Variants in KDM4B observed in about 807,000 individuals in gnomAD.
The protein encoded by KDM4B is lysine demethylase 4B.
In KDM4B, 32 loss-of-function variants were observed where a neutral mutation model predicts 125.2. That is an observed-to-expected ratio of 0.26 (90% CI 0.19 to 0.34). The LOEUF is 0.34. KDM4B is among the 10% of genes least tolerant of loss of function. KDM4B has a pLI of 1.00. For synonymous variants in KDM4B, 721 were observed against 677.9 expected, an observed-to-expected ratio of 1.06 and a Z score of -0.99; for missense variants, 1,190 against 1,577.7, an observed-to-expected ratio of 0.75 and a Z score of 4.16.
In KDM4B at chr19:5,070,397, C is replaced by T. The variant is rs1004292414; in HGVS notation, c.627-613C>T. 7.9e-5 allele frequency among the ~76,000 whole-genome samples: 12 copies of T among 152,382 alleles called. No individual in the cohort carries two copies. In the South Asian group the frequency reaches 2.3e-3, roughly 29 times the overall value. On this transcript the variant is annotated intron_variant, in intron 6 of 22. Coordinates refer to ENST00000159111, the MANE Select transcript of KDM4B (RefSeq NM_015015.3). ...ACCCCCACTTCGCTTCGTGTGTTTG[C>T]ACACTTTCATCTTATGTCTTTCTTA... is the stretch of plus-strand genomic sequence containing the variant.
intron 9 of KDM4B, among the ~76,000 whole-genome samples, chr19:5,108,634 GA>G (rs905039555): frequency 6.6e-6 from 1 of 152,238 alleles, no homozygotes; most frequent in African/African-American, 2.4e-5. Flanking sequence ...TAGTTGCGTT[GA>G]ATTAAGTCTT....
intron 9 of KDM4B, among the ~76,000 whole-genome samples, chr19:5,090,536 TCC>T (rs1203661475): frequency 3.3e-5 from 1 of 29,870 alleles, no homozygotes; most frequent in Admixed American, 3.4e-4. Flanking sequence ...CTTTCCCCGC[TCC>T]CCCTCTCTCT....
intron 21 of KDM4B, among the ~76,000 whole-genome samples, chr19:5,149,328 T>C (rs1034028259): frequency 2.6e-5 from 4 of 152,244 alleles, no homozygotes; most frequent in African/African-American, 7.2e-5. Flanking sequence ...GACAGTCTTA[T>C]GTGTGCATTT....
At position 5,133,899 on chromosome 19, in the gene KDM4B, C is replaced by T. The variant is rs376986271; in HGVS notation, c.1923C>T (p.Ser641=). 6.2e-6 allele frequency: 10 copies of T among 1,612,828 alleles called. No homozygotes were observed. Among genetic ancestry groups the T allele is most frequent in the Middle Eastern group, 1.6e-4 (1 of 6,076 alleles). ...TTCTTCTAGAGGCATCCCCTTTCTCCGGGGAGGAAGATGTGAGTGACCCGG... is the reference window on the plus strand; with the variant it reads ...TTCTTCTAGAGGCATCCCCTTTCTCTGGGGAGGAAGATGTGAGTGACCCGG... The part of the protein sequence containing the change: ...ASSDEEASPF[S]GEEDVSDPDA... Residue 641 remains serine (S), a synonymous_variant, in exon 14 of 23, where the codon TCC becomes TCT. Coordinates refer to ENST00000159111, the MANE Select transcript of KDM4B (RefSeq NM_015015.3).
intron 11 of KDM4B, among the ~76,000 whole-genome samples, chr19:5,123,598 C>T (rs564066742): frequency 3.3e-5 from 5 of 152,366 alleles, no homozygotes; most frequent in Admixed American, 2.6e-4. Context: ...CTGCAGCAGG[C>T]GAGGGGCTTC....
chr19:5,051,824 A>G (rs2037235108), intron 6 of KDM4B, among the ~76,000 whole-genome samples: 1 of 152,144 alleles, frequency 6.6e-6, no homozygotes, highest in African/African-American at 2.4e-5. Flanking sequence ...GAAATCCCCC[A>G]TTGCCCCAGG....
intron 1 of KDM4B, among the ~76,000 whole-genome samples, chr19:5,005,562 C>T (rs958966978): frequency 4.6e-5 from 7 of 152,146 alleles, no homozygotes; most frequent in Admixed American, 2.6e-4. Context: ...CACCCTCCTC[C>T]GGGCCTCATG....
intron 7 of KDM4B, among the ~76,000 whole-genome samples, chr19:5,072,296 A>G (rs1050153895): frequency 3.3e-5 from 5 of 152,168 alleles, no homozygotes; most frequent in Non-Finnish European, 7.3e-5. Flanking sequence ...CTGTGCAGGA[A>G]ATGTTGCCCA....
intron 10 of KDM4B, chr19:5,113,847 C>T (rs752528508): frequency 6.7e-5 from 65 of 975,574 alleles, no homozygotes; most frequent in Non-Finnish European, 5.2e-5. Flanking sequence ...CCTTCCCTGC[C>T]CTCGGCGTGG....
chr19:5,079,753 G>A (rs546078092), intron 8 of KDM4B, among the ~76,000 whole-genome samples: 6 of 152,312 alleles, frequency 3.9e-5, no homozygotes. Flanking sequence ...TTTTTCTAGA[G>A]ATGGGGTCTC....
At chr19:5,024,142 C>CA (rs2036209753) in intron 2 of KDM4B, among the ~76,000 whole-genome samples, 1 of 152,162 alleles carries the variant, frequency 6.6e-6, no homozygotes, top group African/African-American at 2.4e-5. Context: ...CCCTTGCGCC[C>CA]ACACCCCTGC....
chr19:5,122,725 G>A (rs2146027848), intron 11 of KDM4B, among the ~76,000 whole-genome samples: 1 of 152,288 alleles, frequency 6.6e-6, no homozygotes, highest in East Asian at 1.9e-4. Flanking sequence ...GACCAGGAGG[G>A]GCTCAGCCCC....
At chr19:5,148,684 T>G (rs543271392) in intron 21 of KDM4B, among the ~76,000 whole-genome samples, 3 of 150,778 alleles carry the variant, frequency 2.0e-5, no homozygotes, top group Non-Finnish European at 3.0e-5. Context: ...GCTGCTGCCC[T>G]TGGCAAAGCG....
intron 21 of KDM4B, among the ~76,000 whole-genome samples, chr19:5,148,057 G>A (rs1422618916): frequency 3.9e-5 from 6 of 152,172 alleles, no homozygotes; most frequent in Non-Finnish European, 8.8e-5. Context: ...GAGCCTCCCC[G>A]CCTGTCCGGA....
At chr19:5,133,853 T>C in intron 13 of KDM4B, 30 bp from the exon 14 acceptor site, 1 of 1,606,866 alleles carries the variant, frequency 6.2e-7, no homozygotes. Context: ...GGCTCAAGTG[T>C]CTCTCTCCCT....
At chr19:5,008,472 A>G (rs2035627849) in intron 1 of KDM4B, among the ~76,000 whole-genome samples, 1 of 151,978 alleles carries the variant, frequency 6.6e-6, no homozygotes, top group South Asian at 2.1e-4. Flanking sequence ...AGGAAAAATA[A>G]TATGGTTCTT....
chr19:5,119,293 C>G (rs1599224922), intron 10 of KDM4B: 8 of 1,035,626 alleles, frequency 7.7e-6, no homozygotes, highest in Middle Eastern at 2.3e-4. Context: ...AGCTCACACT[C>G]CCTGTGTCTC....
intron 21 of KDM4B, among the ~76,000 whole-genome samples, chr19:5,148,755 A>C (rs189536928): frequency 6.6e-6 from 1 of 152,266 alleles, no homozygotes; most frequent in East Asian, 1.9e-4. Flanking sequence ...CGGGGGTGGA[A>C]ATCGCTTTCC....
intron 10 of KDM4B, among the ~76,000 whole-genome samples, chr19:5,113,588 G>T (rs1400272749): frequency 1.3e-5 from 2 of 152,162 alleles, no homozygotes; most frequent in African/African-American, 4.8e-5. Context: ...ACAGTGGACT[G>T]GCTCTGTCTC....
Sources: allele counts gnomAD v4.1 joint callset (sites outside exome capture counted in the v4.1 genomes callset), GRCh38; gene constraint gnomAD v4.1.1; transcripts MANE v1.5; gene names NCBI Gene and HGNC (gene_info 2026-07-23, HGNC 2026-07-21).